The following SAMD12 variants were observed in gnomAD, a reference collection of about 807,000 sequenced individuals.
SAMD12 encodes the protein sterile alpha motif domain-containing protein 12.
In SAMD12, 9 loss-of-function variants were observed where a neutral mutation model predicts 15.0. The ratio of observed to expected loss-of-function variants is 0.60; its 90% CI spans 0.36 to 1.05. The LOEUF is 1.05. SAMD12 is among the 50% of genes least tolerant of loss of function. The pLI, the probability that SAMD12 is intolerant of heterozygous loss-of-function variation, is 0.01. For missense variants in SAMD12, 230 were observed against 234.2 expected (o/e 0.98, Z 0.12); for synonymous variants, 86 against 90.1 (o/e 0.96, Z 0.25).
chr8:118,538,350 G>A (rs545369043), intron 2 of SAMD12, among the ~76,000 whole-genome samples: 9 of 152,242 alleles, frequency 5.9e-5, no homozygotes, highest in African/African-American at 1.9e-4. Context: ...TAGTCCTTGT[G>A]GCTTAAGCAG....
chr8:118,525,849 A>T lies in SAMD12; in HGVS notation c.192+54866T>A, dbSNP rs149777825. Among the ~76,000 whole-genome samples, 388 of 152,342 alleles carry T rather than the reference A, an allele frequency of 2.5e-3. 4 individuals carry two copies. Among genetic ancestry groups the T allele is most frequent in the African/African-American group, 9.1e-3 (380 of 41,574 alleles). On this transcript the variant is annotated intron_variant, in intron 2 of 3. Coordinates refer to ENST00000314727, the MANE Select transcript of SAMD12 (RefSeq NM_207506.3). Reference sequence around the variant, plus strand: ...ATCCATTTGCTTCTATGTTTAAAGCAACACTGTACATGCATCTGCTAACCA... The same window carrying T: ...ATCCATTTGCTTCTATGTTTAAAGCTACACTGTACATGCATCTGCTAACCA...
At position 118,611,507 on chromosome 8, in the gene SAMD12, T is replaced by C. The variant is rs117236433; in HGVS notation, c.13+10297A>G. 9.0e-3 allele frequency among the ~76,000 whole-genome samples: 1,373 copies of C among 152,294 alleles called. 5 individuals carry two copies. The highest frequency in any genetic ancestry group is 0.031 in the Middle Eastern group (9 of 294). ...CCATCCCTGTCCCCGTCCCCATTTA[T>C]TGGTTACCAGTTTCACCTTCTCTTC... On this transcript the variant is annotated intron_variant, in intron 1 of 3. Coordinates refer to ENST00000314727, the MANE Select transcript of SAMD12 (RefSeq NM_207506.3).
the SAMD12 span, among the ~76,000 whole-genome samples, chr8:118,155,737 C>T: frequency 6.6e-6 from 1 of 152,190 alleles, no homozygotes; most frequent in Non-Finnish European, 1.5e-5. Context: ...CACACCTTAG[C>T]ACATGTCTAG....
chr8:118,157,305 A>C, the SAMD12 span, among the ~76,000 whole-genome samples: 1 of 152,158 alleles, frequency 6.6e-6, no homozygotes, highest in African/African-American at 2.4e-5. Flanking sequence ...CGGGTAACTT[A>C]ATCTCTCCAA....
At chr8:118,308,882 A>C (rs1815480120) in intron 4 of SAMD12, among the ~76,000 whole-genome samples, 1 of 152,148 alleles carries the variant, frequency 6.6e-6, no homozygotes, top group Non-Finnish European at 1.5e-5. Context: ...GATTATGGTC[A>C]TGCTTCTGGA....
At chr8:118,272,413 T>G (rs763707535) in intron 4 of SAMD12, among the ~76,000 whole-genome samples, 52 of 152,234 alleles carry the variant, frequency 3.4e-4, no homozygotes, top group African/African-American at 1.2e-3. Flanking sequence ...CTGGGGCCTG[T>G]GATGGGAGGG....
intron 4 of SAMD12, among the ~76,000 whole-genome samples, chr8:118,225,800 G>A (rs1812176769): frequency 6.6e-6 from 1 of 152,188 alleles, no homozygotes; most frequent in Non-Finnish European, 1.5e-5. Context: ...AGGATACTCA[G>A]CATATGACCT....
chr8:118,233,308 C>T (rs532604858), intron 4 of SAMD12, among the ~76,000 whole-genome samples: 42 of 152,272 alleles, frequency 2.8e-4, no homozygotes, highest in African/African-American at 9.6e-4. Flanking sequence ...GCTTTGATGT[C>T]CCACATGCAA....
intron 2 of SAMD12, among the ~76,000 whole-genome samples, chr8:118,510,827 C>T (rs75933873): frequency 0.023 from 3,575 of 152,280 alleles, 114 homozygotes; most frequent in African/African-American, 0.076. Context: ...GGCTCAACAG[C>T]TAAAAGTGCT....
At chr8:118,410,444 G>C (rs1325716210) in intron 3 of SAMD12, among the ~76,000 whole-genome samples, 1 of 152,192 alleles carries the variant, frequency 6.6e-6, no homozygotes, top group Non-Finnish European at 1.5e-5. Flanking sequence ...TCAAGAGTTA[G>C]GGACGATATC....
At chr8:118,248,274 T>C (rs1451338351) in intron 4 of SAMD12, among the ~76,000 whole-genome samples, 1 of 152,184 alleles carries the variant, frequency 6.6e-6, no homozygotes, top group Non-Finnish European at 1.5e-5. Context: ...GTTCCCAATA[T>C]AGGGATCATG....
intron 1 of SAMD12, among the ~76,000 whole-genome samples, chr8:118,582,904 CT>C (rs375621211): frequency 0.086 from 12,585 of 146,030 alleles, 540 homozygotes; most frequent in South Asian, 0.15. Flanking sequence ...AAGCACTGTG[CT>C]TTTTTTTTTT....
chr8:118,240,132 A>G (rs1383547635), intron 4 of SAMD12, among the ~76,000 whole-genome samples: 1 of 152,144 alleles, frequency 6.6e-6, no homozygotes, highest in Non-Finnish European at 1.5e-5. Context: ...GCAGCCCTGT[A>G]GAGAAGCCCA....
At chr8:118,275,529 T>C (rs1456275476) in intron 4 of SAMD12, among the ~76,000 whole-genome samples, 1 of 152,230 alleles carries the variant, frequency 6.6e-6, no homozygotes, top group Non-Finnish European at 1.5e-5. Flanking sequence ...CTCACTCACA[T>C]GCAAAAATCT....
At chr8:118,575,334 A>G (rs1330610328) in intron 2 of SAMD12, among the ~76,000 whole-genome samples, 1 of 152,238 alleles carries the variant, frequency 6.6e-6, no homozygotes, top group Non-Finnish European at 1.5e-5. Context: ...CTTATATAAT[A>G]CAGCAATCAA....
chr8:118,532,855 G>T (rs1414366210), intron 2 of SAMD12, among the ~76,000 whole-genome samples: 2 of 151,996 alleles, frequency 1.3e-5, no homozygotes, highest in African/African-American at 4.8e-5. Context: ...CTTTCTAGCG[G>T]TCTATCAATT....
the SAMD12 span, among the ~76,000 whole-genome samples, chr8:118,144,895 G>A: frequency 4.6e-5 from 7 of 152,342 alleles, no homozygotes; most frequent in East Asian, 3.9e-4. Context: ...GCCCTAGTTA[G>A]ATGCCAGGGT....
At chr8:118,348,116 G>A (rs1299684010) in intron 4 of SAMD12, among the ~76,000 whole-genome samples, 1 of 152,006 alleles carries the variant, frequency 6.6e-6, no homozygotes, top group Admixed American at 6.6e-5. Context: ...TCAATCTGTG[G>A]CCCAGGCTGG....
intron 2 of SAMD12, among the ~76,000 whole-genome samples, chr8:118,506,997 A>C (rs183310602): frequency 6.6e-6 from 1 of 152,168 alleles, no homozygotes; most frequent in Admixed American, 6.5e-5. Context: ...TAGTAGAGTG[A>C]AAATCTATTT....
Sources: gnomAD v4.1 joint callset for allele counts (sites outside exome capture counted in the v4.1 genomes callset) on GRCh38, gnomAD v4.1.1 for gene constraint, MANE v1.5 for transcripts, NCBI Gene and HGNC (gene_info 2026-07-23, HGNC 2026-07-21) for gene names.